Variants in COL4A2 observed in about 807,000 individuals in gnomAD.
COL4A2 encodes collagen alpha-2(IV) chain.
Under a neutral mutation model 200.2 loss-of-function variants are expected in COL4A2, and 99 were observed. The ratio of observed to expected loss-of-function variants is 0.49; its 90% CI spans 0.42 to 0.58. COL4A2 has a LOEUF of 0.58. COL4A2 is among the 20% of genes least tolerant of loss of function. The pLI, the probability that COL4A2 is intolerant of heterozygous loss-of-function variation, is 0.00. For missense variants in COL4A2, 1,950 were observed against 2,314.1 expected (o/e 0.84, Z 3.23); for synonymous variants, 897 against 900.6 (o/e 1.00, Z 0.07).
chr13:110,432,508 A>C, intron 11 of COL4A2, 148 bp downstream of exon 11: 1 of 1,015,726 alleles, frequency 9.8e-7, no homozygotes, highest in Non-Finnish European at 1.4e-6. Flanking sequence ...TTAAGACTTA[A>C]TGTTAAACTC....
At chr13:110,375,655 C>A (rs774308004) in intron 4 of COL4A2, among the ~76,000 whole-genome samples, 14 of 152,126 alleles carry the variant, frequency 9.2e-5, no homozygotes, top group African/African-American at 3.4e-4. Context: ...CATGGCGAAA[C>A]CTCTTCTCGA....
chr13:110,417,300 A>T (rs908749940), intron 4 of COL4A2, among the ~76,000 whole-genome samples: 1 of 152,176 alleles, frequency 6.6e-6, no homozygotes, highest in Non-Finnish European at 1.5e-5. Context: ...GTTTTTTTCC[A>T]AATGTCACTT....
Position 110,441,107 on chromosome 13 carries a change from T to C in COL4A2, c.957+1274T>C, listed in dbSNP as rs78807365. ...GGCTGCCTGCCCATGGGCTAGTATG[T>C]CCATCACTCAGTCCTAGTAGGTGCA... On this transcript the variant is annotated intron_variant, in intron 16 of 47. Transcript: ENST00000360467. Among the ~76,000 whole-genome samples the C allele has an allele frequency of 3.3e-3, 497 of 152,356 alleles. 1 individual carries two copies. Among genetic ancestry groups the C allele is most frequent in the African/African-American group, 0.011 (474 of 41,588 alleles).
intron 21 of COL4A2, 27 bp from the exon 22 acceptor site, chr13:110,458,744 G>T (rs1438826911): frequency 6.2e-7 from 1 of 1,613,236 alleles, no homozygotes; most frequent in African/African-American, 1.3e-5. Context: ...TGCGGAACAA[G>T]GAGGCCCTCC....
At chr13:110,317,302 A>G (rs1401425243) in intron 3 of COL4A2, among the ~76,000 whole-genome samples, 2 of 152,038 alleles carry the variant, frequency 1.3e-5, no homozygotes, top group Admixed American at 6.6e-5. Flanking sequence ...ACGCACATAC[A>G]CATAGATGCA....
In COL4A2 at chr13:110,480,410, C is replaced by A. The variant is rs374608230; in HGVS notation, c.2758+20C>A. ...TAAAAGGTAATTGTGTGACTGTGAC[C>A]AGGGATCCCTTGGCGGGGAGGTTGG... On this transcript the variant is annotated intron_variant, in intron 31 of 47. Coordinates refer to ENST00000360467, the MANE Select transcript of COL4A2 (RefSeq NM_001846.4). 3.1e-6 allele frequency: 5 copies of A among 1,598,860 alleles called. No individual in the cohort carries two copies. The highest frequency in any genetic ancestry group is 4.3e-6 in the Non-Finnish European group (5 of 1,172,236).
Position 110,310,127 on chromosome 13 carries a change from C to G in COL4A2, c.99+2004C>G, listed in dbSNP as rs78171544. 5.4e-3 allele frequency among the ~76,000 whole-genome samples: 818 copies of G among 152,374 alleles called. 10 individuals are homozygous for G. Among genetic ancestry groups the G allele is most frequent in the African/African-American group, 0.019 (787 of 41,584 alleles). The stretch of plus-strand genomic sequence containing the variant: ...GCCAAGTGCCCTAAGGCAGATAGGA[C>G]ACCTCTATGCCTCCCCAAAACCTCA... On this transcript the variant is annotated intron_variant, in intron 3 of 47. Coordinates refer to ENST00000360467, the MANE Select transcript of COL4A2 (RefSeq NM_001846.4).
chr13:110,331,692 C>A (rs2131941), intron 3 of COL4A2, among the ~76,000 whole-genome samples: 7,835 of 152,222 alleles, frequency 0.051, 341 homozygotes, highest in East Asian at 0.21. Flanking sequence ...GACTCAAAAC[C>A]ACCAACAAAA....
At chr13:110,449,812 A>T (rs1289833470) in intron 19 of COL4A2, 23 bp downstream of exon 19, 1 of 1,543,480 alleles carries the variant, frequency 6.5e-7, no homozygotes, top group East Asian at 2.4e-5. Context: ...CATAATATCA[A>T]CACCGGAGAC....
rs375772742 is a variant in COL4A2 at position 110,504,209 on chromosome 13, C to T, written c.4347C>T (p.Pro1449=). ...PQGRGGVSAV[P]GFRGDEGPIG... ...GAAGAGGTGGTGTGTCTGCTGTTCC[C>T]GGCTTCCGGGGAGATGAAGGACCCA... The change falls in exon 45 of 48, where the codon CCC becomes CCT. Residue 1449 remains proline, a synonymous_variant. Transcript: ENST00000360467. The T allele has an allele frequency of 3.5e-5, 56 of 1,614,012 alleles. No individual in the cohort carries two copies. The Admixed American group carries it at 4.7e-4, about 13-fold the overall frequency.
At chr13:110,503,775 C>T (rs962320450) in intron 43 of COL4A2, 72 bp from the exon 44 acceptor site, 29 of 1,567,710 alleles carry the variant, frequency 1.8e-5, no homozygotes, top group East Asian at 1.8e-4. Flanking sequence ...TGGTGAGAAA[C>T]GCAGTAGCAC....
rs199616018 is a variant in COL4A2 at position 110,450,259 on chromosome 13, G to T, written c.1190-46G>T. The stretch of plus-strand genomic sequence containing the variant: ...TGGACACGAACACAAAGGCAGCGGT[G>T]TGGTATGGGAGACTCACGCTGCAGG... On this transcript the variant is annotated intron_variant, in intron 19 of 47. Transcript: ENST00000360467. 12 of 1,567,402 alleles carry T rather than the reference G, an allele frequency of 7.7e-6. No individual in the cohort carries two copies. In the African/African-American group the frequency reaches 1.1e-4, roughly 14 times the overall value.
intron 41 of COL4A2, chr13:110,502,755 C>A (rs1883692578): frequency 9.4e-6 from 2 of 213,478 alleles, no homozygotes; most frequent in East Asian, 1.6e-4. Context: ...TACGAGGCCC[C>A]TGAAGTCATC....
At chr13:110,365,231 T>G (rs1406241429) in intron 4 of COL4A2, among the ~76,000 whole-genome samples, 1 of 152,064 alleles carries the variant, frequency 6.6e-6, no homozygotes, top group Non-Finnish European at 1.5e-5. Context: ...AACCTCCACC[T>G]CCTGGGTTCA....
At chr13:110,320,625 C>T (rs187794981) in intron 3 of COL4A2, among the ~76,000 whole-genome samples, 4 of 152,314 alleles carry the variant, frequency 2.6e-5, no homozygotes, top group African/African-American at 9.6e-5. Flanking sequence ...TTAGTTCCCT[C>T]TGAACAAAGT....
At chr13:110,345,233 G>A (rs1373609104) in intron 3 of COL4A2, among the ~76,000 whole-genome samples, 1 of 152,162 alleles carries the variant, frequency 6.6e-6, no homozygotes, top group Non-Finnish European at 1.5e-5. Context: ...GTGTACAAAC[G>A]CAAGTTCTTT....
intron 4 of COL4A2, among the ~76,000 whole-genome samples, chr13:110,362,457 G>T (rs1177310503): frequency 1.3e-5 from 2 of 151,768 alleles, no homozygotes; most frequent in Admixed American, 1.3e-4. Context: ...GGAACTATAG[G>T]CATGCACCAC....
At position 110,456,082 on chromosome 13, in the gene COL4A2, A is replaced by G. The variant is rs187737491; in HGVS notation, c.1340-1261A>G. Reference sequence around the variant, plus strand: ...CCACGAGATGGCACTCTTCTTCTCCAGTGCGATGGCGCGCTCTTTGCTGGT... The same window carrying G: ...CCACGAGATGGCACTCTTCTTCTCCGGTGCGATGGCGCGCTCTTTGCTGGT... On this transcript the variant is annotated intron_variant, in intron 20 of 47. Coordinates refer to ENST00000360467, the MANE Select transcript of COL4A2 (RefSeq NM_001846.4). Among the ~76,000 whole-genome samples the G allele has an allele frequency of 1.8e-4, 27 of 152,328 alleles. 1 individual carries two copies. Among genetic ancestry groups the G allele is most frequent in the African/African-American group, 6.5e-4 (27 of 41,574 alleles).
At chr13:110,385,524 A>G (rs200697349) in intron 4 of COL4A2, among the ~76,000 whole-genome samples, 3,402 of 45,562 alleles carry the variant, frequency 0.075, 561 homozygotes, top group Middle Eastern at 0.1. Flanking sequence ...GGCCGTGGTT[A>G]CAGTGCGTGG....
Sources: allele counts gnomAD v4.1 joint callset (sites outside exome capture counted in the v4.1 genomes callset), GRCh38; gene constraint gnomAD v4.1.1; transcripts MANE v1.5; gene names NCBI Gene and HGNC (gene_info 2026-07-23, HGNC 2026-07-21).